IQSEC1: variants seen among roughly 807,000 people sequenced by gnomAD.
IQSEC1 encodes the protein IQ motif and SEC7 domain-containing protein 1.
A neutral mutation model predicts 91.0 loss-of-function variants in IQSEC1; 31 were observed. The observed-to-expected ratio is 0.34, with a 90% CI of 0.26 to 0.46. IQSEC1 has a LOEUF of 0.46. Ranked by LOEUF, IQSEC1 falls within the 20% of genes least tolerant of loss-of-function variation. The pLI is 1.00. For synonymous variants in IQSEC1, 699 were observed against 662.6 expected (o/e 1.05, Z -0.84); for missense variants, 1,388 against 1,575.6 (o/e 0.88, Z 2.02).
chr3:13,183,000 T>C (rs185481153), intron 1 of IQSEC1, among the ~76,000 whole-genome samples: 2 of 152,052 alleles, frequency 1.3e-5, no homozygotes, highest in Admixed American at 6.5e-5. Context: ...CTGTCTCTAC[T>C]AAAAATACAA....
At chr3:13,142,816 G>A (rs1441933462) in intron 2 of IQSEC1, among the ~76,000 whole-genome samples, 2 of 152,158 alleles carry the variant, frequency 1.3e-5, no homozygotes, top group African/African-American at 4.8e-5. Flanking sequence ...AGTAGTTGTG[G>A]CAAAGGCTGC....
chr3:13,265,534 T>C (rs1695473155), intron 1 of IQSEC1, among the ~76,000 whole-genome samples: 1 of 152,170 alleles, frequency 6.6e-6, no homozygotes, highest in African/African-American at 2.4e-5. Context: ...CTGAAACCCA[T>C]GGTTTCTTCT....
chr3:13,090,616 A>G (rs1705843227), intron 2 of IQSEC1, among the ~76,000 whole-genome samples: 1 of 152,156 alleles, frequency 6.6e-6, no homozygotes, highest in Non-Finnish European at 1.5e-5. Context: ...GTCCTGGTAG[A>G]GGTAGGCCCC....
chr3:12,919,325 CACGCCCCAGCCTGCTCA>C (rs1696396040), intron 6 of IQSEC1, among the ~76,000 whole-genome samples: 1 of 152,222 alleles, frequency 6.6e-6, no homozygotes, highest in Non-Finnish European at 1.5e-5. Flanking sequence ...AGCTCTAAGC[CACGCCCCAGCCTGCTCA>C]GCGCCCCTTC....
chr3:13,088,170 T>G (rs62232939), intron 2 of IQSEC1, among the ~76,000 whole-genome samples: 1 of 152,152 alleles, frequency 6.6e-6, no homozygotes, highest in Non-Finnish European at 1.5e-5. Flanking sequence ...ATTAGTTTCA[T>G]GTCTGTCCCG....
intron 1 of IQSEC1, among the ~76,000 whole-genome samples, chr3:13,173,107 A>C (rs886373650): frequency 1.3e-5 from 2 of 152,242 alleles, no homozygotes; most frequent in African/African-American, 2.4e-5. Flanking sequence ...AAAGTCTGGA[A>C]GGAATCATTT....
In IQSEC1 at chr3:12,902,816, C is replaced by G; in HGVS notation, c.2762G>C (p.Arg921Pro). Residue 921 changes from arginine (R) to proline (P), a missense_variant, in exon 13 of 14, where the codon CGA becomes CCA. Arg to Pro is a moderately radical substitution (Grantham distance 103). Around this residue, in one of 2 missense-constraint regions of IQSEC1, gnomAD observed 1,059 missense variants for 1,317.8 expected, o/e 0.80. Transcript: ENST00000613206. ...CGATCCCGCACTGCTGCGACGCCCT[C>G]GCTTCCCTGCCCAGAACATGCAATA... is the stretch of plus-strand genomic sequence containing the variant. ...SLRDLSEAGK[R>P]GRRSSAGSLE... 1 of 1,613,198 alleles carries G rather than the reference C, an allele frequency of 6.2e-7. No homozygotes were observed. The highest frequency in any genetic ancestry group is 8.5e-7 in the Non-Finnish European group (1 of 1,179,204).
intron 1 of IQSEC1, among the ~76,000 whole-genome samples, chr3:12,952,600 C>T (rs563904879): frequency 6.6e-6 from 1 of 152,324 alleles, no homozygotes; most frequent in African/African-American, 2.4e-5. Flanking sequence ...TGGCGGGACC[C>T]AGGAGACTCT....
At chr3:13,247,066 T>C (rs892927669) in intron 1 of IQSEC1, among the ~76,000 whole-genome samples, 1 of 152,190 alleles carries the variant, frequency 6.6e-6, no homozygotes, top group Non-Finnish European at 1.5e-5. Context: ...TGTCTCGCTG[T>C]GGGTGCCACT....
At position 13,008,356 on chromosome 3, in the gene IQSEC1, T is replaced by C. The variant is rs1702725872; in HGVS notation, c.23+64636A>G. 6.6e-6 allele frequency among the ~76,000 whole-genome samples: 1 copy of C among 152,196 alleles called. No homozygotes were observed. Among genetic ancestry groups the C allele is most frequent in the Non-Finnish European group, 1.5e-5 (1 of 68,036 alleles). ...CATCCTCCACCAGTGACCGTCAGGC[T>C]GTCCACTGTCCAACCCAGACGTCCT... On this transcript the variant is annotated intron_variant, in intron 1 of 13. Transcript: ENST00000613206. The surrounding 1 kb of genome is among the most constrained non-coding windows in gnomAD (Gnocchi z 4.1).
intron 1 of IQSEC1, among the ~76,000 whole-genome samples, chr3:13,244,657 C>A (rs536050358): frequency 6.6e-6 from 1 of 152,342 alleles, no homozygotes; most frequent in African/African-American, 2.4e-5. Flanking sequence ...CTGATCCCCA[C>A]TCCCAGCCTC....
chr3:12,965,620 C>T (rs1325797981), intron 1 of IQSEC1, among the ~76,000 whole-genome samples: 3 of 152,250 alleles, frequency 2.0e-5, no homozygotes, highest in African/African-American at 7.2e-5. Context: ...AGCTGTTCAT[C>T]ACCAACCCAG....
chr3:13,137,938 C>T (rs1262695409), intron 2 of IQSEC1, among the ~76,000 whole-genome samples: 1 of 152,204 alleles, frequency 6.6e-6, no homozygotes, highest in Non-Finnish European at 1.5e-5. Context: ...TATCTGACCA[C>T]TAGACAGACC....
chr3:13,136,070 G>A (rs897985531), intron 2 of IQSEC1, among the ~76,000 whole-genome samples: 2 of 152,238 alleles, frequency 1.3e-5, no homozygotes, highest in African/African-American at 4.8e-5. Flanking sequence ...GGCCCCACAG[G>A]GCCGCCTGCG....
intron 1 of IQSEC1, among the ~76,000 whole-genome samples, chr3:13,183,892 T>TC (rs1169951242): frequency 6.6e-6 from 1 of 152,202 alleles, no homozygotes; most frequent in Non-Finnish European, 1.5e-5. Flanking sequence ...TCTAGGTCCA[T>TC]CAGTTTGAAC....
At chr3:13,040,878 C>T (rs1029785632) in intron 1 of IQSEC1, among the ~76,000 whole-genome samples, 3 of 152,172 alleles carry the variant, frequency 2.0e-5, no homozygotes, top group South Asian at 2.1e-4. Context: ...AGACTCTGAC[C>T]GCGACTCATG....
chr3:13,011,258 G>A lies in IQSEC1; in HGVS notation c.23+61734C>T, dbSNP rs190888532. On this transcript the variant is annotated intron_variant, in intron 1 of 13. Transcript: ENST00000613206. ...CCCAGGGCCTACCCGCAGGGGCTTA[G>A]AGGCTGAACCAAACCGTTTCCCATT... is the stretch of plus-strand genomic sequence containing the variant. Among the ~76,000 whole-genome samples, 657 of 152,306 alleles carry A rather than the reference G, an allele frequency of 4.3e-3. 8 individuals are homozygous for A. Among genetic ancestry groups the A allele is most frequent in the Non-Finnish European group, 2.9e-3 (200 of 68,032 alleles).
chr3:13,075,734 T>A (rs558831281), upstream of IQSEC1, among the ~76,000 whole-genome samples: 14 of 152,334 alleles, frequency 9.2e-5, no homozygotes, highest in Middle Eastern at 3.4e-3. Flanking sequence ...ACGTGGGTAG[T>A]GCCTACAACC....
intron 1 of IQSEC1, among the ~76,000 whole-genome samples, chr3:13,007,438 A>G (rs1017292123): frequency 1.3e-5 from 2 of 152,190 alleles, no homozygotes; most frequent in Non-Finnish European, 1.5e-5. Context: ...TGCCCCACCC[A>G]CTGCACCGGT....
Sources: allele counts gnomAD v4.1 joint callset (sites outside exome capture counted in the v4.1 genomes callset), GRCh38; gene constraint gnomAD v4.1.1; regional missense constraint gnomAD v4.1.1; non-coding constraint Gnocchi (gnomAD v3.1); transcripts MANE v1.5; gene names NCBI Gene and HGNC (gene_info 2026-07-23, HGNC 2026-07-21).